PABPC4L: variants seen among roughly 807,000 people sequenced by gnomAD.
PABPC4L encodes the protein polyadenylate-binding protein 4-like.
For missense variants in PABPC4L, 452 were observed against 451.4 expected, an observed-to-expected ratio of 1.00 and a Z score of -0.01; for synonymous variants, 169 against 164.1, an observed-to-expected ratio of 1.03 and a Z score of -0.23.
the PABPC4L span, among the ~76,000 whole-genome samples, chr4:134,190,112 A>T: frequency 6.6e-6 from 1 of 152,138 alleles, no homozygotes; most frequent in Admixed American, 6.6e-5. Context: ...GCCATCAGCA[A>T]TACAGTTACA....
chr4:134,176,310 CT>C, the PABPC4L span, among the ~76,000 whole-genome samples: 1 of 151,836 alleles, frequency 6.6e-6, no homozygotes, highest in East Asian at 1.9e-4. Flanking sequence ...TAAGTTATGT[CT>C]ACCTGCTCAA....
At chr4:134,034,996 G>A in the PABPC4L span, among the ~76,000 whole-genome samples, 3 of 98,970 alleles carry the variant, frequency 3.0e-5, no homozygotes, top group Non-Finnish European at 5.9e-5. Flanking sequence ...GAAGTCAGTT[G>A]ATGTGGAAAA....
At chr4:134,035,621 G>T in the PABPC4L span, among the ~76,000 whole-genome samples, 1 of 151,876 alleles carries the variant, frequency 6.6e-6, no homozygotes, top group East Asian at 1.9e-4. Flanking sequence ...TTAGTCATTT[G>T]TATCAATAAA....
chr4:134,086,108 A>C, the PABPC4L span, among the ~76,000 whole-genome samples: 1 of 151,928 alleles, frequency 6.6e-6, no homozygotes, highest in African/African-American at 2.4e-5. Context: ...CCTTGAATAA[A>C]CAGTAGCATT....
chr4:134,037,753 T>C, the PABPC4L span, among the ~76,000 whole-genome samples: 1 of 152,140 alleles, frequency 6.6e-6, no homozygotes, highest in Non-Finnish European at 1.5e-5. Context: ...AAATATACAA[T>C]CATGTCATCT....
At chr4:133,958,222 C>T in the PABPC4L span, among the ~76,000 whole-genome samples, 1 of 152,280 alleles carries the variant, frequency 6.6e-6, no homozygotes, top group African/African-American at 2.4e-5. Context: ...TTTTACAGAT[C>T]TCTAGGGGAG....
At chr4:134,123,790 G>A in the PABPC4L span, among the ~76,000 whole-genome samples, 1 of 151,756 alleles carries the variant, frequency 6.6e-6, no homozygotes, top group African/African-American at 2.4e-5. Flanking sequence ...TATCAGATGT[G>A]AGCGTATTTA....
chr4:134,182,886 C>A, the PABPC4L span, among the ~76,000 whole-genome samples: 3 of 151,864 alleles, frequency 2.0e-5, no homozygotes, highest in African/African-American at 7.3e-5. Flanking sequence ...TAGGGAAATT[C>A]AAATCAAAAC....
the PABPC4L span, among the ~76,000 whole-genome samples, chr4:133,977,248 T>G: frequency 6.6e-6 from 1 of 151,926 alleles, no homozygotes; most frequent in Non-Finnish European, 1.5e-5. Context: ...ATTTCTGAGT[T>G]CTCTATTCTT....
chr4:134,079,795 A>T, the PABPC4L span, among the ~76,000 whole-genome samples: 1 of 151,862 alleles, frequency 6.6e-6, no homozygotes, highest in Non-Finnish European at 1.5e-5. Flanking sequence ...GATAATAGCC[A>T]AGGTCCTTGG....
the PABPC4L span, among the ~76,000 whole-genome samples, chr4:134,157,702 T>C: frequency 6.6e-6 from 1 of 151,916 alleles, no homozygotes; most frequent in Non-Finnish European, 1.5e-5. Flanking sequence ...CCTACTTTAC[T>C]TCAATTGCAT....
the PABPC4L span, among the ~76,000 whole-genome samples, chr4:134,107,147 A>C: frequency 6.6e-6 from 1 of 151,126 alleles, no homozygotes; most frequent in Non-Finnish European, 1.5e-5. Flanking sequence ...TTTGTTTCAC[A>C]GAGCTAAAAC....
the PABPC4L span, among the ~76,000 whole-genome samples, chr4:134,155,410 G>C: frequency 6.7e-6 from 1 of 150,160 alleles, no homozygotes; most frequent in African/African-American, 2.4e-5. Flanking sequence ...TTCTCTCCCA[G>C]TTCACACACA....
the PABPC4L span, among the ~76,000 whole-genome samples, chr4:134,144,053 T>A: frequency 6.6e-6 from 1 of 151,596 alleles, no homozygotes; most frequent in Non-Finnish European, 1.5e-5. Context: ...AGTCAAAGGC[T>A]GAAATAGTAC....
chr4:134,037,266 T>A, the PABPC4L span, among the ~76,000 whole-genome samples: 1 of 152,072 alleles, frequency 6.6e-6, no homozygotes. Context: ...ATTGACCCTT[T>A]ACATCCGTGA....
At chr4:134,110,486 A>G in the PABPC4L span, among the ~76,000 whole-genome samples, 2 of 151,926 alleles carry the variant, frequency 1.3e-5, no homozygotes, top group Non-Finnish European at 2.9e-5. Context: ...GAAAGTAACC[A>G]TTAATAAAAT....
At chr4:134,131,106 A>G in the PABPC4L span, among the ~76,000 whole-genome samples, 1 of 152,104 alleles carries the variant, frequency 6.6e-6, no homozygotes, top group Admixed American at 6.6e-5. Flanking sequence ...GGAAAAGTTG[A>G]AAGCATCCCC....
chr4:134,077,654 A>G, the PABPC4L span, among the ~76,000 whole-genome samples: 1 of 152,116 alleles, frequency 6.6e-6, no homozygotes, highest in South Asian at 2.1e-4. Context: ...AGGACCAATC[A>G]TAAGTCCCAT....
chr4:134,149,138 TAATC>T, the PABPC4L span, among the ~76,000 whole-genome samples: 1 of 152,098 alleles, frequency 6.6e-6, no homozygotes, highest in African/African-American at 2.4e-5. Context: ...TCAAGATAAT[TAATC>T]AGTCAATGTG....
Sources: allele counts gnomAD v4.1 joint callset (sites outside exome capture counted in the v4.1 genomes callset), GRCh38; gene constraint gnomAD v4.1.1; transcripts MANE v1.5; gene names NCBI Gene and HGNC (gene_info 2026-07-23, HGNC 2026-07-21).